The following KCNH5 variants were observed in gnomAD, a reference collection of about 807,000 sequenced individuals.
KCNH5 encodes potassium voltage-gated channel subfamily H member 5.
In KCNH5, 46 loss-of-function variants were observed where a neutral mutation model predicts 96.1. The ratio of observed to expected loss-of-function variants is 0.48; its 90% CI spans 0.38 to 0.61. KCNH5 has a LOEUF of 0.61. KCNH5 is among the 20% of genes least tolerant of loss of function. The probability of loss-of-function intolerance (pLI) is 0.00; values close to 1 mark genes in which losing one functional copy is unlikely to be tolerated. For synonymous variants in KCNH5, 439 were observed against 449.8 expected, an observed-to-expected ratio of 0.98 and a Z score of 0.30; for missense variants, 907 against 1,225.8, an observed-to-expected ratio of 0.74 and a Z score of 3.88.
intron 7 of KCNH5, among the ~76,000 whole-genome samples, chr14:62,854,084 A>C (rs913218200): frequency 9.2e-5 from 14 of 151,742 alleles, no homozygotes; most frequent in Non-Finnish European, 1.9e-4. Flanking sequence ...CTGTCTAAAC[A>C]TCCTCTTCCC....
chr14:62,931,074 A>G (rs1375384201), intron 7 of KCNH5, among the ~76,000 whole-genome samples: 1 of 152,122 alleles, frequency 6.6e-6, no homozygotes, highest in Middle Eastern at 3.2e-3. Flanking sequence ...GATGGCCTGG[A>G]TCTAATGAGT....
rs115689092 is a variant in KCNH5 at position 62,760,642 on chromosome 14, C to T, written c.2019+19086G>A. Among the ~76,000 whole-genome samples the T allele has an allele frequency of 6.6e-3, 1,000 of 152,282 alleles. 9 individuals carry two copies. The highest frequency in any genetic ancestry group is 0.022 in the African/African-American group (918 of 41,556). The stretch of plus-strand genomic sequence containing the variant: ...AAAGTGTTGGATGAATCAAGTACAA[C>T]CTGATTCAGAGAGAAGAGACAGAAA... On this transcript the variant is annotated intron_variant, in intron 10 of 10. Coordinates refer to ENST00000322893, the MANE Select transcript of KCNH5 (RefSeq NM_139318.5).
At chr14:62,865,380 G>T (rs906866803) in intron 7 of KCNH5, among the ~76,000 whole-genome samples, 1 of 151,538 alleles carries the variant, frequency 6.6e-6, no homozygotes, top group Admixed American at 6.6e-5. Context: ...AGACAAGTTG[G>T]ACTGGAGTGG....
chr14:62,879,603 C>T (rs1888451942), intron 7 of KCNH5, among the ~76,000 whole-genome samples: 1 of 152,120 alleles, frequency 6.6e-6, no homozygotes, highest in Non-Finnish European at 1.5e-5. Context: ...GAAGGACCTT[C>T]CCGAATACTC....
At chr14:62,721,395 T>C (rs1884811892) in intron 10 of KCNH5, among the ~76,000 whole-genome samples, 1 of 152,236 alleles carries the variant, frequency 6.6e-6, no homozygotes, top group South Asian at 2.1e-4. Context: ...TTCCATGTTC[T>C]GGGAACTTCA....
At chr14:62,983,435 T>C (rs1388589369) in intron 5 of KCNH5, among the ~76,000 whole-genome samples, 1 of 152,110 alleles carries the variant, frequency 6.6e-6, no homozygotes, top group Non-Finnish European at 1.5e-5. Flanking sequence ...TGTGTGTGTG[T>C]GTATATTATA....
intron 7 of KCNH5, among the ~76,000 whole-genome samples, chr14:62,855,572 A>T (rs947609453): frequency 3.3e-5 from 5 of 152,228 alleles, no homozygotes; most frequent in Non-Finnish European, 7.3e-5. Flanking sequence ...TGTAACTATG[A>T]TCAATTTAAC....
chr14:62,806,826 C>T (rs1886776411), intron 8 of KCNH5, among the ~76,000 whole-genome samples: 1 of 152,118 alleles, frequency 6.6e-6, no homozygotes, highest in Non-Finnish European at 1.5e-5. Flanking sequence ...ACAGGTTTGG[C>T]ACTATGGGAT....
At chr14:62,895,922 T>A (rs1226478100) in intron 7 of KCNH5, among the ~76,000 whole-genome samples, 2 of 152,146 alleles carry the variant, frequency 1.3e-5, no homozygotes, top group African/African-American at 4.8e-5. Flanking sequence ...TACCCCTAAT[T>A]TCATTTAGGT....
chr14:62,816,342 A>G (rs1886978505), intron 8 of KCNH5, among the ~76,000 whole-genome samples: 1 of 151,994 alleles, frequency 6.6e-6, no homozygotes, highest in African/African-American at 2.4e-5. Context: ...AAATATATAT[A>G]TATCAGTGTA....
chr14:62,921,358 TG>T (rs1274249927), intron 7 of KCNH5, among the ~76,000 whole-genome samples: 6 of 152,136 alleles, frequency 3.9e-5, no homozygotes, highest in Non-Finnish European at 4.4e-5. Flanking sequence ...CAGGAAAGTA[TG>T]ATTTATGTTT....
chr14:63,022,174 C>T (rs913065642), intron 1 of KCNH5, among the ~76,000 whole-genome samples: 1 of 152,180 alleles, frequency 6.6e-6, no homozygotes, highest in African/African-American at 2.4e-5. Context: ...GAGAATGGGG[C>T]CACCATCCAT....
Position 63,001,459 on chromosome 14 carries a change from C to T in KCNH5, c.305G>A (p.Arg102Lys). 2.5e-6 allele frequency: 4 copies of T among 1,608,128 alleles called. No individual in the cohort carries two copies. The highest frequency in any genetic ancestry group is 1.1e-5 in the South Asian group (1 of 89,714). The change falls in exon 4 of 11, where the codon AGA becomes AAA. Residue 102 changes from arginine (R) to lysine (K), a missense_variant and splice_region_variant. Physicochemically the swap from Arg to Lys is conservative, Grantham distance 26. Transcript: ENST00000322893. ...TTGCATATAAAACCAAACAGGGGTT[C>T]CTGTAACAGAAAGAAGTTGGGGAAA... ...CFEVLLYKKN[R>K]TPVWFYMQIA... is the part of the protein sequence containing the mutation.
chr14:63,003,494 A>ATATATATTTTATATATAT (rs2139593691), intron 3 of KCNH5, among the ~76,000 whole-genome samples: 1 of 124,534 alleles, frequency 8.0e-6, no homozygotes, highest in Non-Finnish European at 1.6e-5. Context: ...TATATATATT[A>ATATATATTTTATATATAT]TATATATATT....
At chr14:62,976,160 G>A (rs1167172064) in intron 6 of KCNH5, among the ~76,000 whole-genome samples, 12 of 151,770 alleles carry the variant, frequency 7.9e-5, no homozygotes, top group Admixed American at 7.9e-4. Context: ...CAGCACTTTG[G>A]GAGGCCAAGA....
intron 7 of KCNH5, among the ~76,000 whole-genome samples, chr14:62,854,828 G>T (rs1209250228): frequency 6.6e-6 from 1 of 150,570 alleles, no homozygotes; most frequent in Non-Finnish European, 1.5e-5. Context: ...ACCACAAAAG[G>T]ATTATTTTGA....
chr14:62,788,984 ATAT>A (rs1886376308), intron 9 of KCNH5, among the ~76,000 whole-genome samples: 1 of 152,046 alleles, frequency 6.6e-6, no homozygotes, highest in Non-Finnish European at 1.5e-5. Context: ...TGTCAGTACA[ATAT>A]TATTAGCTAT....
chr14:62,823,961 C>G (rs1887166391), intron 8 of KCNH5, among the ~76,000 whole-genome samples: 1 of 151,834 alleles, frequency 6.6e-6, no homozygotes, highest in African/African-American at 2.4e-5. Context: ...GCAAACGAAT[C>G]TTTCTATGCA....
chr14:62,968,938 T>C (rs1046742844), intron 6 of KCNH5, among the ~76,000 whole-genome samples: 8 of 152,212 alleles, frequency 5.3e-5, no homozygotes, highest in African/African-American at 1.9e-4. Context: ...TCTCTGAGCC[T>C]ATAGATGAAA....
Sources: gnomAD v4.1 joint callset for allele counts (sites outside exome capture counted in the v4.1 genomes callset) on GRCh38, gnomAD v4.1.1 for gene constraint, MANE v1.5 for transcripts, NCBI Gene and HGNC (gene_info 2026-07-23, HGNC 2026-07-21) for gene names.